The following BCL11B variants were observed in gnomAD, a reference collection of about 807,000 sequenced individuals.
BCL11B encodes the protein BCL11 transcription factor B.
In BCL11B, 8 loss-of-function variants were observed where a neutral mutation model predicts 49.9. The observed-to-expected ratio is 0.16, with a 90% CI of 0.09 to 0.29. BCL11B has a LOEUF of 0.29. Among genes scored for constraint, BCL11B ranks in the 10% least tolerant of loss-of-function variants. BCL11B has a pLI of 1.00. For synonymous variants in BCL11B, 739 were observed against 637.4 expected, an observed-to-expected ratio of 1.16 and a Z score of -2.40; for missense variants, 1,006 against 1,351.0, an observed-to-expected ratio of 0.74 and a Z score of 4.00.
At chr14:99,196,175 A>G (rs1887173351) in intron 3 of BCL11B, among the ~76,000 whole-genome samples, 1 of 152,106 alleles carries the variant, frequency 6.6e-6, no homozygotes, top group South Asian at 2.1e-4. Flanking sequence ...GGCAAACACC[A>G]TCTCCCAATG....
At chr14:99,227,272 C>T (rs1309633226) in intron 3 of BCL11B, among the ~76,000 whole-genome samples, 4 of 152,166 alleles carry the variant, frequency 2.6e-5, no homozygotes, top group African/African-American at 9.7e-5. Context: ...ACTCTAACTT[C>T]GACAGGGCTC....
intron 2 of BCL11B, among the ~76,000 whole-genome samples, chr14:99,246,684 T>A (rs890341640): frequency 1.3e-5 from 2 of 151,492 alleles, no homozygotes; most frequent in African/African-American, 4.9e-5. Flanking sequence ...TGAAGGGGGC[T>A]ATGGACCCCA....
intron 2 of BCL11B, among the ~76,000 whole-genome samples, chr14:99,246,500 C>G (rs989387206): frequency 5.9e-5 from 9 of 152,204 alleles, no homozygotes; most frequent in Non-Finnish European, 1.0e-4. Context: ...CCTCCCGACC[C>G]GGCCAGGGCC....
At chr14:99,176,621 C>G (rs967850779) in intron 3 of BCL11B, among the ~76,000 whole-genome samples, 1 of 152,218 alleles carries the variant, frequency 6.6e-6, no homozygotes, top group Non-Finnish European at 1.5e-5. Context: ...CCGAAACCAT[C>G]TAGGCCAGGG....
At chr14:99,179,353 A>T (rs1240525360) in intron 3 of BCL11B, among the ~76,000 whole-genome samples, 1 of 152,006 alleles carries the variant, frequency 6.6e-6, no homozygotes. Flanking sequence ...ATATGCCTAT[A>T]ATCCCAGCTA....
intron 2 of BCL11B, among the ~76,000 whole-genome samples, chr14:99,235,114 C>A (rs1484081687): frequency 1.3e-5 from 2 of 152,168 alleles, no homozygotes; most frequent in African/African-American, 4.8e-5. Flanking sequence ...CCTGGAAAAG[C>A]CCCATCCGGG....
chr14:99,175,873 C>G lies in BCL11B; in HGVS notation c.963G>C (p.Pro321=). 1 of 1,470,054 alleles carries G rather than the reference C, an allele frequency of 6.8e-7. No homozygotes were observed. The highest frequency in any genetic ancestry group is 9.0e-7 in the Non-Finnish European group (1 of 1,115,466). 91.1% of individuals were successfully genotyped at this position (1,470,054 alleles called of 1,614,324 possible). A position where few individuals can be genotyped will look rare whatever the true frequency, so the allele number is the denominator to read the frequency against. ...PGTPPLFSPP[P]RHHLDPHRLS... is the part of the protein sequence containing the mutation. ...GGCGGTGCGGGTCCAGGTGGTGGCGCGGCGGGGGACTGAAGAGAGGCGGCG... is the reference window on the plus strand; with the variant it reads ...GGCGGTGCGGGTCCAGGTGGTGGCGGGGCGGGGGACTGAAGAGAGGCGGCG... The change falls in exon 4 of 4, where the codon CCG becomes CCC. Residue 321 remains proline, a synonymous_variant. Coordinates refer to ENST00000357195, the MANE Select transcript of BCL11B (RefSeq NM_138576.4).
intron 3 of BCL11B, among the ~76,000 whole-genome samples, chr14:99,220,686 T>TA (rs536565214): frequency 2.2e-3 from 339 of 152,154 alleles, no homozygotes; most frequent in African/African-American, 8.0e-3. Flanking sequence ...GCAATGTACT[T>TA]ATTGCCACCG....
intron 3 of BCL11B, among the ~76,000 whole-genome samples, chr14:99,216,919 C>G (rs566780603): frequency 7.5e-6 from 1 of 133,024 alleles, no homozygotes; most frequent in African/African-American, 2.5e-5. Context: ...TACATATGTA[C>G]TCACATGCAC....
At chr14:99,255,405 GAAAAA>G (rs67440207) in intron 2 of BCL11B, among the ~76,000 whole-genome samples, 1,964 of 65,080 alleles carry the variant, frequency 0.03, 26 homozygotes, top group African/African-American at 0.073. Flanking sequence ...TCACAACCTG[GAAAAA>G]AAAAAAAAAA....
intron 3 of BCL11B, among the ~76,000 whole-genome samples, chr14:99,185,731 C>T (rs1422735201): frequency 6.6e-6 from 1 of 151,744 alleles, no homozygotes; most frequent in African/African-American, 2.4e-5. Context: ...ACAGGGCTGT[C>T]CTTACTCCCG....
At chr14:99,185,397 A>G (rs914362303) in intron 3 of BCL11B, among the ~76,000 whole-genome samples, 4 of 151,528 alleles carry the variant, frequency 2.6e-5, no homozygotes, top group Admixed American at 2.0e-4. Context: ...AGATCACACC[A>G]CTGCACTCCA....
intron 3 of BCL11B, among the ~76,000 whole-genome samples, chr14:99,230,026 T>G (rs932692521): frequency 2.0e-5 from 3 of 152,166 alleles, no homozygotes; most frequent in Non-Finnish European, 4.4e-5. Context: ...CTTTGTGCCT[T>G]TAAGGCACAA....
At chr14:99,243,918 TAAAAAAAAAAAAAAAAAAAAAAAA>T (rs200999902) in intron 2 of BCL11B, among the ~76,000 whole-genome samples, 71 of 127,990 alleles carry the variant, frequency 5.5e-4, no homozygotes, top group Admixed American at 6.2e-4. Context: ...ACATTGCTCC[TAAAAAAAAAAAAAAAAAAAAAAAA>T]AAAAAAAAAA....
intron 2 of BCL11B, among the ~76,000 whole-genome samples, chr14:99,233,180 A>G (rs1434787642): frequency 1.3e-5 from 2 of 152,160 alleles, no homozygotes; most frequent in Non-Finnish European, 2.9e-5. Context: ...AGCACTGGAC[A>G]CTGCATTTGA....
At chr14:99,266,680 C>T (rs575475157) in intron 1 of BCL11B, among the ~76,000 whole-genome samples, 95 of 152,328 alleles carry the variant, frequency 6.2e-4, no homozygotes, top group African/African-American at 1.5e-3. Context: ...GATGGAAGCC[C>T]GTTCCTAGCC....
intron 3 of BCL11B, among the ~76,000 whole-genome samples, chr14:99,182,035 G>A (rs1886720605): frequency 6.6e-6 from 1 of 152,138 alleles, no homozygotes; most frequent in South Asian, 2.1e-4. Flanking sequence ...GCACCGCAGG[G>A]ATCTATTTAA....
chr14:99,242,249 T>C lies in BCL11B; in HGVS notation c.428-10692A>G, dbSNP rs183308483. Among the ~76,000 whole-genome samples the C allele has an allele frequency of 1.6e-4, 24 of 152,330 alleles. No homozygotes were observed. The highest frequency in any genetic ancestry group is 5.5e-4 in the African/African-American group (23 of 41,578). On this transcript the variant is annotated intron_variant, in intron 2 of 3. Coordinates refer to ENST00000357195, the MANE Select transcript of BCL11B (RefSeq NM_138576.4). The surrounding 1 kb of genome is among the most constrained non-coding windows in gnomAD (Gnocchi z 4.4). ...AACAAAAGATGGAAGACCCAGTTCATACAGACAATATTTACATGGGCGTTG... is the reference window on the plus strand; with the variant it reads ...AACAAAAGATGGAAGACCCAGTTCACACAGACAATATTTACATGGGCGTTG...
intron 3 of BCL11B, among the ~76,000 whole-genome samples, chr14:99,219,463 C>A (rs939877612): frequency 1.3e-5 from 2 of 152,102 alleles, no homozygotes; most frequent in Non-Finnish European, 2.9e-5. Context: ...ATTACCATCC[C>A]GATATACAAA....
Sources: gnomAD v4.1 joint callset for allele counts (sites outside exome capture counted in the v4.1 genomes callset) on GRCh38, gnomAD v4.1.1 for gene constraint, Gnocchi (gnomAD v3.1) non-coding constraint, MANE v1.5 for transcripts, NCBI Gene and HGNC (gene_info 2026-07-23, HGNC 2026-07-21) for gene names.